MAGI2: variants seen among roughly 807,000 people sequenced by gnomAD.
MAGI2 encodes membrane-associated guanylate kinase, WW and PDZ domain-containing protein 2.
MAGI2 carries 35 observed loss-of-function variants against 133.3 expected under a neutral mutation model. The observed-to-expected ratio is 0.26, with a 90% CI of 0.20 to 0.35. The LOEUF is 0.35. Ranked by LOEUF, MAGI2 falls within the 10% of genes least tolerant of loss-of-function variation. The probability of loss-of-function intolerance (pLI) is 1.00; values close to 1 mark genes in which losing one functional copy is unlikely to be tolerated. For synonymous variants in MAGI2, 729 were observed against 710.6 expected, an observed-to-expected ratio of 1.03 and a Z score of -0.41; for missense variants, 1,636 against 1,863.4, an observed-to-expected ratio of 0.88 and a Z score of 2.25.
At chr7:79,236,562 G>C (rs1444190688) in intron 1 of MAGI2, among the ~76,000 whole-genome samples, 1 of 152,214 alleles carries the variant, frequency 6.6e-6, no homozygotes, top group Non-Finnish European at 1.5e-5. Context: ...TTCTGCCAAA[G>C]AGCCACATAA....
At position 78,369,136 on chromosome 7, in the gene MAGI2, T is replaced by C. The variant is rs760645085; in HGVS notation, c.1103+20A>G. On this transcript the variant is annotated intron_variant, in intron 7 of 21. Transcript: ENST00000354212. ...TCACAACATATTAATAACAAGTTAA[T>C]ATCACACTTAGAGACTTACTCAACA... 2 of 1,546,292 alleles carry C rather than the reference T, an allele frequency of 1.3e-6. No individual in the cohort carries two copies. Among genetic ancestry groups the C allele is most frequent in the Non-Finnish European group, 1.8e-6 (2 of 1,132,068 alleles).
At chr7:78,199,550 G>A (rs558875513) in intron 11 of MAGI2, among the ~76,000 whole-genome samples, 1 of 152,140 alleles carries the variant, frequency 6.6e-6, no homozygotes, top group Non-Finnish European at 1.5e-5. Context: ...CATCTGTTAG[G>A]AAAAGAAGCA....
At chr7:78,042,499 G>C (rs1378239688) in intron 21 of MAGI2, among the ~76,000 whole-genome samples, 1 of 152,168 alleles carries the variant, frequency 6.6e-6, no homozygotes, top group Non-Finnish European at 1.5e-5. Flanking sequence ...GTAGTACAGG[G>C]TTTAAGTCTG....
Position 78,432,236 on chromosome 7 carries a change from T to C in MAGI2, c.1045+57525A>G, listed in dbSNP as rs565578280. Among the ~76,000 whole-genome samples, 10 of 151,754 alleles carry C rather than the reference T, an allele frequency of 6.6e-5. No individual in the cohort carries two copies. The South Asian group carries it at 1.9e-3, about 28-fold the overall frequency. ...AAAAAAAAAAGGCAAAACTAGCTTT[T>C]CTTTTTGCCAAAAACAATTTATACT... On this transcript the variant is annotated intron_variant, in intron 6 of 21. Coordinates refer to ENST00000354212, the MANE Select transcript of MAGI2 (RefSeq NM_012301.4).
intron 2 of MAGI2, among the ~76,000 whole-genome samples, chr7:78,882,832 AAAC>A (rs1361782023): frequency 2.0e-5 from 3 of 152,146 alleles, no homozygotes; most frequent in Admixed American, 6.5e-5. Context: ...CACCCTCAAT[AAAC>A]TAGGCATAGA....
intron 1 of MAGI2, among the ~76,000 whole-genome samples, chr7:79,049,989 C>T (rs558710425): frequency 2.0e-5 from 3 of 152,208 alleles, no homozygotes; most frequent in South Asian, 2.1e-4. Flanking sequence ...CTGCTGTGTT[C>T]GCTGGCTGTT....
chr7:78,675,662 C>T (rs920654950), intron 2 of MAGI2, among the ~76,000 whole-genome samples: 12 of 151,934 alleles, frequency 7.9e-5, no homozygotes, highest in Admixed American at 2.6e-4. Context: ...CCTATGTTGC[C>T]GCCACACAGA....
chr7:78,071,893 A>C (rs559642489), intron 21 of MAGI2, among the ~76,000 whole-genome samples: 1 of 152,364 alleles, frequency 6.6e-6, no homozygotes, highest in South Asian at 2.1e-4. Flanking sequence ...CCTATTAAAA[A>C]TGCAGGTGAA....
intron 1 of MAGI2, among the ~76,000 whole-genome samples, chr7:79,357,820 A>C (rs565411200): frequency 4.6e-5 from 7 of 152,250 alleles, no homozygotes; most frequent in Non-Finnish European, 7.4e-5. Context: ...TTTGAATTTT[A>C]TTTTTTAACT....
intron 1 of MAGI2, among the ~76,000 whole-genome samples, chr7:79,114,816 T>C (rs2215581): frequency 0.64 from 97,853 of 152,096 alleles, 36,852 homozygotes; most frequent in Non-Finnish European, 0.84. Flanking sequence ...CAAAGTGGAG[T>C]CTGAAGCCAA....
chr7:78,461,609 T>C (rs1468310936), intron 6 of MAGI2, among the ~76,000 whole-genome samples: 1 of 151,500 alleles, frequency 6.6e-6, no homozygotes, highest in East Asian at 1.9e-4. Flanking sequence ...TGAAGAGAAG[T>C]GATGTAAAAA....
chr7:79,044,047 G>A (rs892741295), intron 1 of MAGI2, among the ~76,000 whole-genome samples: 1 of 152,094 alleles, frequency 6.6e-6, no homozygotes, highest in African/African-American at 2.4e-5. Flanking sequence ...AAAAAATTGA[G>A]GAGGTGGGAC....
chr7:79,141,651 T>G (rs1324155223), intron 1 of MAGI2, among the ~76,000 whole-genome samples: 1 of 152,164 alleles, frequency 6.6e-6, no homozygotes, highest in African/African-American at 2.4e-5. Context: ...AATAACGTTG[T>G]GTTCAATAAT....
chr7:78,401,148 G>A (rs925888585), intron 6 of MAGI2, among the ~76,000 whole-genome samples: 1 of 150,760 alleles, frequency 6.6e-6, no homozygotes, highest in Non-Finnish European at 1.5e-5. Flanking sequence ...CTTCGCAAAA[G>A]AAACAAAATT....
intron 6 of MAGI2, among the ~76,000 whole-genome samples, chr7:78,440,028 A>G (rs1450543774): frequency 4.0e-5 from 6 of 151,800 alleles, no homozygotes; most frequent in Admixed American, 3.3e-4. Flanking sequence ...ATTTAAAGTT[A>G]TATACACATA....
intron 6 of MAGI2, among the ~76,000 whole-genome samples, chr7:78,457,517 G>C (rs1789447109): frequency 6.6e-6 from 1 of 152,012 alleles, no homozygotes; most frequent in South Asian, 2.1e-4. Flanking sequence ...GTCCTTCTGA[G>C]GATTTTGTAA....
At chr7:78,366,809 C>T (rs1026133233) in intron 7 of MAGI2, among the ~76,000 whole-genome samples, 11 of 152,144 alleles carry the variant, frequency 7.2e-5, no homozygotes, top group African/African-American at 2.7e-4. Flanking sequence ...TGGCCTGCTA[C>T]ACCCACACAC....
intron 21 of MAGI2, among the ~76,000 whole-genome samples, chr7:78,055,239 G>A (rs1812443016): frequency 6.6e-6 from 1 of 152,112 alleles, no homozygotes; most frequent in African/African-American, 2.4e-5. Context: ...GAGAGACAAG[G>A]TCACAGAAAG....
At chr7:79,192,556 C>G (rs755012616) in intron 1 of MAGI2, among the ~76,000 whole-genome samples, 14 of 151,648 alleles carry the variant, frequency 9.2e-5, no homozygotes, top group Admixed American at 2.0e-4. Context: ...TTAGAAAAGG[C>G]TTTTCTGAAA....
Sources: gnomAD v4.1 joint callset for allele counts (sites outside exome capture counted in the v4.1 genomes callset) on GRCh38, gnomAD v4.1.1 for gene constraint, MANE v1.5 for transcripts, NCBI Gene and HGNC (gene_info 2026-07-23, HGNC 2026-07-21) for gene names.